LAMA4: variants seen among roughly 807,000 people sequenced by gnomAD.
The protein encoded by LAMA4 is laminin subunit alpha-4.
A neutral mutation model predicts 207.1 loss-of-function variants in LAMA4; 127 were observed. The ratio of observed to expected loss-of-function variants is 0.61; its 90% CI spans 0.53 to 0.71. The LOEUF (loss-of-function observed/expected upper bound fraction) is 0.71. LAMA4 is among the 30% of genes least tolerant of loss of function. LAMA4 has a pLI of 0.00. For synonymous variants in LAMA4, 761 were observed against 816.0 expected, an observed-to-expected ratio of 0.93 and a Z score of 1.15; for missense variants, 2,093 against 2,246.5, an observed-to-expected ratio of 0.93 and a Z score of 1.38.
Position 112,203,337 on chromosome 6 carries a change from A to G in LAMA4, c.423-1649T>C, listed in dbSNP as rs1583880546. Among the ~76,000 whole-genome samples the G allele has an allele frequency of 2.0e-5, 3 of 152,280 alleles. No homozygotes were observed. In the East Asian group the frequency reaches 5.8e-4, roughly 29 times the overall value. ...AAGCATTATTTCCTTGCTTTCTTGT[A>G]ACTGGAAATCCAAATCCTGCGTCTG... On this transcript the variant is annotated intron_variant, in intron 4 of 38. Coordinates refer to ENST00000230538, the MANE Select transcript of LAMA4 (RefSeq NM_001105206.3).
chr6:112,241,172 A>AATATATATATGAATATATATTAAT (rs61692382), intron 2 of LAMA4, among the ~76,000 whole-genome samples: 1 of 89,404 alleles, frequency 1.1e-5, no homozygotes, highest in African/African-American at 5.4e-5. Flanking sequence ...AATATATATG[A>AATATATATATGAATATATATTAAT]ATATATATGA....
At chr6:112,175,899 TCA>T (rs1407599358) in intron 10 of LAMA4, among the ~76,000 whole-genome samples, 2 of 152,204 alleles carry the variant, frequency 1.3e-5, no homozygotes, top group Admixed American at 6.5e-5. Context: ...GAGAAAATGC[TCA>T]GAGATCACTC....
At chr6:112,123,634 C>A (rs1778506936) in intron 31 of LAMA4, among the ~76,000 whole-genome samples, 1 of 152,168 alleles carries the variant, frequency 6.6e-6, no homozygotes, top group African/African-American at 2.4e-5. Flanking sequence ...GGGCAGAGGG[C>A]AGGTTAATTA....
At chr6:112,127,537 T>A (rs1778772378) in intron 31 of LAMA4, among the ~76,000 whole-genome samples, 2 of 151,864 alleles carry the variant, frequency 1.3e-5, no homozygotes, top group Non-Finnish European at 2.9e-5. Flanking sequence ...GGTGGGCAAG[T>A]AGGAGGAGAT....
At position 112,114,683 on chromosome 6, in the gene LAMA4, C is replaced by T. The variant is rs782531723; in HGVS notation, c.5186G>A (p.Gly1729Asp). 18 of 1,612,134 alleles carry T rather than the reference C, an allele frequency of 1.1e-5. No homozygotes were observed. Among genetic ancestry groups the T allele is most frequent in the Non-Finnish European group, 1.5e-5 (18 of 1,178,354 alleles). The change falls in exon 37 of 39, where the codon GGC becomes GAC. Residue 1729 changes from glycine to aspartate, a missense_variant. Gly to Asp is a moderately conservative substitution (Grantham distance 94). Coordinates refer to ENST00000230538, the MANE Select transcript of LAMA4 (RefSeq NM_001105206.3). ...CTCACCTGTAATTCTGTGCCATCTG[C>T]CATCACAGAGACTCTGCTTGGGTGT... The part of the protein sequence containing the change: ...SVTPKQSLCD[G>D]RWHRITVIRD...
intron 38 of LAMA4, among the ~76,000 whole-genome samples, chr6:112,111,201 A>G (rs1049585272): frequency 7.9e-5 from 12 of 152,088 alleles, no homozygotes; most frequent in African/African-American, 2.9e-4. Context: ...TCACCACCAC[A>G]CTCAGCTATT....
Position 112,150,322 on chromosome 6 carries a change from GC to G in LAMA4, c.2173+188del, listed in dbSNP as rs1349313550. The G allele has an allele frequency of 7.8e-6, 5 of 639,824 alleles. No homozygotes were observed. The Admixed American group carries it at 9.1e-5, about 12-fold the overall frequency. The allele number at this position is 639,824 out of a possible 1,614,324, so 39.6% of individuals were successfully genotyped here. On this transcript the variant is annotated intron_variant, in intron 17 of 38. Coordinates refer to ENST00000230538, the MANE Select transcript of LAMA4 (RefSeq NM_001105206.3). Reference sequence around the variant, plus strand: ...GTCACCTCTACGTGGTGTGATTACAGCATTTATATTTAGTTTCTTCTTTTTG... The same window carrying G: ...GTCACCTCTACGTGGTGTGATTACAGATTTATATTTAGTTTCTTCTTTTTG...
At position 112,119,092 on chromosome 6, in the gene LAMA4, G is replaced by C. The variant is rs587627496; in HGVS notation, c.4821+64C>G. On this transcript the variant is annotated intron_variant, in intron 34 of 38. Transcript: ENST00000230538. ...TAGTTTCCTAATCTGTGAGACGAGG[G>C]CCTCAATTAGATGATCTTCTGGCTC... is the stretch of plus-strand genomic sequence containing the variant. 5.3e-6 allele frequency: 8 copies of C among 1,510,740 alleles called. No homozygotes were observed. In the Admixed American group the frequency reaches 1.2e-4, roughly 22 times the overall value. The allele number at this position is 1,510,740 out of a possible 1,614,324, so 93.6% of individuals were successfully genotyped here.
chr6:112,128,787 G>T, intron 31 of LAMA4, 135 bp downstream of exon 31: 1 of 707,732 alleles, frequency 1.4e-6, no homozygotes, highest in Non-Finnish European at 2.4e-6. Flanking sequence ...TAGAATATGT[G>T]ATACTGCAAG....
intron 15 of LAMA4, chr6:112,155,252 T>C: frequency 3.6e-6 from 2 of 562,754 alleles, no homozygotes; most frequent in Non-Finnish European, 6.3e-6. Context: ...GAAAAAAATA[T>C]AAATGAATGC....
chr6:112,157,510 A>G (rs1780789856), intron 14 of LAMA4, among the ~76,000 whole-genome samples: 1 of 152,220 alleles, frequency 6.6e-6, no homozygotes, highest in African/African-American at 2.4e-5. Context: ...GCTTTCATGA[A>G]TATATAGTCA....
chr6:112,122,546 G>A (rs1309336715), intron 31 of LAMA4, among the ~76,000 whole-genome samples: 1 of 152,164 alleles, frequency 6.6e-6, no homozygotes, highest in African/African-American at 2.4e-5. Flanking sequence ...CAATTAAAAT[G>A]ACCCTGAATC....
rs59673150 is a variant in LAMA4 at position 112,160,907 on chromosome 6, T to C, written c.1669-2027A>G. 4.5e-3 allele frequency among the ~76,000 whole-genome samples: 685 copies of C among 152,314 alleles called. 5 individuals carry two copies. The highest frequency in any genetic ancestry group is 0.016 in the African/African-American group (664 of 41,568). ...TATTTCCCTTCTCAGAATCAGCCAG[T>C]TGCTTTGCAGGAATGAGTCCAATTT... On this transcript the variant is annotated intron_variant, in intron 13 of 38. Transcript: ENST00000230538.
intron 2 of LAMA4, among the ~76,000 whole-genome samples, chr6:112,241,589 T>A (rs188847091): frequency 6.6e-6 from 1 of 152,114 alleles, no homozygotes; most frequent in Non-Finnish European, 1.5e-5. Context: ...ATCAGTAAAA[T>A]GGGGTTAATA....
At chr6:112,241,271 G>A (rs71541023) in intron 2 of LAMA4, among the ~76,000 whole-genome samples, 147,099 of 147,102 alleles carry the variant, frequency 1, 73,548 homozygotes, top group Middle Eastern at 1. Context: ...AAATCTCAAC[G>A]ACTGTTACTC....
chr6:112,216,336 G>A (rs782440135), intron 3 of LAMA4, 32 bp downstream of exon 3: 2 of 1,346,808 alleles, frequency 1.5e-6, no homozygotes, highest in African/African-American at 1.4e-5. Flanking sequence ...GCCCAGTGAA[G>A]TACGTGAAGT....
intron 31 of LAMA4, 78 bp downstream of exon 31, chr6:112,128,844 C>T: frequency 1.3e-5 from 16 of 1,276,456 alleles, no homozygotes; most frequent in East Asian, 2.3e-5. Flanking sequence ...CAAGTCAATT[C>T]TCTAAAACAG....
chr6:112,109,944 T>A (rs1777602525), intron 38 of LAMA4, among the ~76,000 whole-genome samples: 1 of 152,228 alleles, frequency 6.6e-6, no homozygotes, highest in Non-Finnish European at 1.5e-5. Context: ...TGTACTTTGC[T>A]AAGAAGGAGG....
intron 2 of LAMA4, among the ~76,000 whole-genome samples, chr6:112,221,636 T>C (rs1439415933): frequency 1.3e-5 from 2 of 152,128 alleles, no homozygotes; most frequent in South Asian, 2.1e-4. Context: ...AGTTTAGTTA[T>C]AGTGAGTTCC....
Sources: gnomAD v4.1 joint callset for allele counts (sites outside exome capture counted in the v4.1 genomes callset) on GRCh38, gnomAD v4.1.1 for gene constraint, MANE v1.5 for transcripts, NCBI Gene and HGNC (gene_info 2026-07-23, HGNC 2026-07-21) for gene names.